PHF14: variants seen among roughly 807,000 people sequenced by gnomAD.
PHF14 encodes the protein PHD finger protein 14.
A neutral mutation model predicts 117.9 loss-of-function variants in PHF14; 55 were observed. The ratio of observed to expected loss-of-function variants is 0.47; its 90% CI spans 0.38 to 0.58. PHF14 has a LOEUF of 0.58. Ranked by LOEUF, PHF14 falls within the 20% of genes least tolerant of loss-of-function variation. The pLI, the probability that PHF14 is intolerant of heterozygous loss-of-function variation, is 0.00. For synonymous variants in PHF14, 409 were observed against 368.6 expected, an observed-to-expected ratio of 1.11 and a Z score of -1.26; for missense variants, 978 against 1,122.2, an observed-to-expected ratio of 0.87 and a Z score of 1.84.
intron 8 of PHF14, 83 bp from the exon 9 acceptor site, chr7:11,036,335 T>C (rs908607441): frequency 9.5e-6 from 11 of 1,152,902 alleles, no homozygotes; most frequent in Non-Finnish European, 1.4e-5. Context: ...TCTGTGAACA[T>C]GGGAATAAAA....
intron 10 of PHF14, 77 bp downstream of exon 10, chr7:11,037,168 T>C: frequency 2.3e-6 from 3 of 1,308,702 alleles, no homozygotes; most frequent in Non-Finnish European, 3.1e-6. Context: ...ATGGCATTTC[T>C]TTTATGTTTT....
At chr7:11,128,074 C>T (rs1291366810) in intron 17 of PHF14, among the ~76,000 whole-genome samples, 1 of 152,034 alleles carries the variant, frequency 6.6e-6, no homozygotes. Context: ...CCCAACTTCT[C>T]AAGATTCACT....
intron 17 of PHF14, among the ~76,000 whole-genome samples, chr7:11,161,399 G>C (rs2128356978): frequency 6.6e-6 from 1 of 152,020 alleles, no homozygotes; most frequent in South Asian, 2.1e-4. Context: ...CATGATTATT[G>C]CTTATATTAA....
chr7:11,146,242 A>G (rs1206070368), intron 17 of PHF14, among the ~76,000 whole-genome samples: 2 of 152,158 alleles, frequency 1.3e-5, no homozygotes, highest in Non-Finnish European at 2.9e-5. Context: ...TGCCACAGGA[A>G]TATCAGATGG....
rs146463909 is a variant in PHF14 at position 11,122,331 on chromosome 7, T to TTATA, written c.2772+10883_2772+10886dup. Among the ~76,000 whole-genome samples, 479 of 84,038 alleles carry TTATA rather than the reference T, an allele frequency of 5.7e-3. 22 individuals carry two copies. Among genetic ancestry groups the TTATA allele is most frequent in the African/African-American group, 0.024 (410 of 16,918 alleles). 55.1% of individuals were successfully genotyped at this position (84,038 alleles called of 152,430 possible). A position where few individuals can be genotyped will look rare whatever the true frequency, so the allele number is the denominator to read the frequency against. On this transcript the variant is annotated intron_variant, in intron 17 of 17. Transcript: ENST00000634607. ...AAGGGGAGATTACTGTTTGTACTTTTTATATATATATATATATATATACAC... is the reference window on the plus strand; with the variant it reads ...AAGGGGAGATTACTGTTTGTACTTTTTATATATATATATATATATATATATACAC...
At chr7:11,134,835 A>G (rs1216173771) in intron 17 of PHF14, among the ~76,000 whole-genome samples, 1 of 152,148 alleles carries the variant, frequency 6.6e-6, no homozygotes, top group Non-Finnish European at 1.5e-5. Context: ...CTCAAACTAT[A>G]GAAGGATACA....
chr7:11,033,908 A>G (rs562299225), intron 7 of PHF14, among the ~76,000 whole-genome samples: 1 of 152,260 alleles, frequency 6.6e-6, no homozygotes, highest in African/African-American at 2.4e-5. Flanking sequence ...TAATTTTTGT[A>G]TTTAATTTTT....
Position 11,130,063 on chromosome 7 carries a change from G to A in PHF14, c.2772+18596G>A, listed in dbSNP as rs531542684. ...TAAGTTGATTTCTCATTCATGTAAC[G>A]TATCAGTACAGGTTGACAGAGCAGC... On this transcript the variant is annotated intron_variant, in intron 17 of 17. Transcript: ENST00000634607. This position sits in a 1 kb window ranked among gnomAD's most constrained non-coding sequence, Gnocchi z 4.2. 2.6e-5 allele frequency among the ~76,000 whole-genome samples: 4 copies of A among 151,962 alleles called. No homozygotes were observed. Among genetic ancestry groups the A allele is most frequent in the Non-Finnish European group, 5.9e-5 (4 of 67,934 alleles).
chr7:11,023,492 A>G (rs1239886440), intron 6 of PHF14, among the ~76,000 whole-genome samples: 2 of 152,062 alleles, frequency 1.3e-5, no homozygotes, highest in Non-Finnish European at 2.9e-5. Flanking sequence ...TTTCTCCCTG[A>G]CTTGGTTGGG....
At chr7:11,005,762 G>C (rs1043335470) in intron 4 of PHF14, among the ~76,000 whole-genome samples, 1 of 150,598 alleles carries the variant, frequency 6.6e-6, no homozygotes, top group African/African-American at 2.4e-5. Context: ...AATTTCTGTG[G>C]GATAGATACC....
At chr7:10,995,082 C>G (rs148414064) in intron 4 of PHF14, among the ~76,000 whole-genome samples, 2,282 of 152,292 alleles carry the variant, frequency 0.015, 46 homozygotes, top group African/African-American at 0.053. Flanking sequence ...CAAGTCCGCA[C>G]AGAGCACTGA....
In PHF14 at chr7:10,983,165, T is replaced by G. The variant is rs754898052; in HGVS notation, c.900+6T>G. 1.3e-6 allele frequency: 2 copies of G among 1,580,366 alleles called. No homozygotes were observed. The highest frequency in any genetic ancestry group is 2.3e-5 in the South Asian group (2 of 88,540). ...CTCAAAGCAAGAGTAATGAGGTAGA[T>G]CAACCCAATTTTTATATCTGTCTGT... is the stretch of plus-strand genomic sequence containing the variant. On this transcript the variant is annotated splice_donor_region_variant and intron_variant, in intron 3 of 17. Transcript: ENST00000634607.
At chr7:11,147,267 A>G (rs1788573890) in intron 17 of PHF14, among the ~76,000 whole-genome samples, 1 of 152,194 alleles carries the variant, frequency 6.6e-6, no homozygotes, top group Non-Finnish European at 1.5e-5. Context: ...GACATATAAA[A>G]TATAACACTT....
chr7:11,026,419 C>G (rs73678566), intron 6 of PHF14, among the ~76,000 whole-genome samples: 3,162 of 152,230 alleles, frequency 0.021, 122 homozygotes, highest in African/African-American at 0.073. Flanking sequence ...TATTGTGATA[C>G]TTTATTGAAG....
Position 11,117,220 on chromosome 7 carries a change from T to C in PHF14, c.2772+5753T>C, listed in dbSNP as rs1583478701. 2.0e-5 allele frequency among the ~76,000 whole-genome samples: 3 copies of C among 152,086 alleles called. No homozygotes were observed. In the East Asian group the frequency reaches 5.8e-4, roughly 29 times the overall value. ...GTAGCTTTTCATCTTTGTTTAAAGC[T>C]ATGTTTTGTGAGAAGCCATGGAGTA... On this transcript the variant is annotated intron_variant, in intron 17 of 17. Coordinates refer to ENST00000634607, the MANE Select transcript of PHF14 (RefSeq NM_001007157.2).
chr7:11,046,048 A>G (rs965305081), intron 13 of PHF14, among the ~76,000 whole-genome samples: 1 of 152,230 alleles, frequency 6.6e-6, no homozygotes, highest in Non-Finnish European at 1.5e-5. Flanking sequence ...TATTATTAAT[A>G]GGTGGGTGAA....
At chr7:11,108,926 A>C (rs1379861966) in intron 16 of PHF14, 1 of 151,778 alleles carries the variant, frequency 6.6e-6, no homozygotes, top group Non-Finnish European at 1.5e-5. Context: ...TTATAAAGTA[A>C]ATATGCAGTA....
chr7:11,045,422 G>A (rs1026967772), intron 13 of PHF14, among the ~76,000 whole-genome samples: 2 of 152,068 alleles, frequency 1.3e-5, no homozygotes, highest in Non-Finnish European at 2.9e-5. Context: ...GTTTATTTTT[G>A]CTGTCTTTAT....
intron 3 of PHF14, among the ~76,000 whole-genome samples, chr7:10,983,628 C>T (rs1782120498): frequency 1.3e-5 from 2 of 152,056 alleles, no homozygotes; most frequent in Non-Finnish European, 2.9e-5. Context: ...TTTAGAGATT[C>T]GTTTTAAATA....
Sources: allele counts gnomAD v4.1 joint callset (sites outside exome capture counted in the v4.1 genomes callset), GRCh38; gene constraint gnomAD v4.1.1; non-coding constraint Gnocchi (gnomAD v3.1); transcripts MANE v1.5; gene names NCBI Gene and HGNC (gene_info 2026-07-23, HGNC 2026-07-21).